The following IFT74 variants were observed in gnomAD, a reference collection of about 807,000 sequenced individuals.
IFT74 encodes the protein intraflagellar transport 74, also known as intraflagellar transport protein 74 homolog.
IFT74 carries 92 observed loss-of-function variants against 96.7 expected under a neutral mutation model. The observed-to-expected ratio is 0.95, with a 90% CI of 0.80 to 1.13. The LOEUF is 1.13. Among genes scored for constraint, IFT74 ranks in the 50% most tolerant of loss-of-function variants. The probability of loss-of-function intolerance (pLI) is 0.00; values close to 1 mark genes in which losing one functional copy is unlikely to be tolerated. For missense variants in IFT74, 811 were observed against 698.2 expected (o/e 1.16, Z -1.82); for synonymous variants, 223 against 213.2 (o/e 1.05, Z -0.40).
chr9:27,021,221 A>G (rs1026245346), intron 12 of IFT74, among the ~76,000 whole-genome samples: 58 of 152,028 alleles, frequency 3.8e-4, no homozygotes, highest in African/African-American at 1.4e-3. Context: ...CATTTTCTTT[A>G]TTCACTTGTT....
intron 2 of IFT74, among the ~76,000 whole-genome samples, chr9:26,966,503 G>A (rs1017492381): frequency 1.3e-5 from 2 of 151,786 alleles, no homozygotes; most frequent in Non-Finnish European, 2.9e-5. Flanking sequence ...CAGACCTTTT[G>A]CCCGTTTTTT....
upstream of IFT74, chr9:26,956,383 C>T (rs187319349): frequency 1.3e-5 from 2 of 152,402 alleles, no homozygotes; most frequent in Admixed American, 1.3e-4. Flanking sequence ...ATCCCGCCCC[C>T]GTTGCCGGGA....
intron 4 of IFT74, among the ~76,000 whole-genome samples, chr9:26,983,037 A>G (rs917834295): frequency 1.3e-4 from 20 of 152,072 alleles, no homozygotes; most frequent in African/African-American, 4.8e-4. Context: ...CATTATTTGT[A>G]TCTTCTTTCT....
At chr9:27,043,828 A>G (rs539532490) in intron 13 of IFT74, among the ~76,000 whole-genome samples, 4 of 152,106 alleles carry the variant, frequency 2.6e-5, no homozygotes, top group Admixed American at 1.3e-4. Context: ...TTCCATCCCA[A>G]TTACCACCGC....
intron 12 of IFT74, among the ~76,000 whole-genome samples, chr9:27,019,118 C>T (rs1309582237): frequency 6.6e-6 from 1 of 152,028 alleles, no homozygotes; most frequent in Non-Finnish European, 1.5e-5. Context: ...CCATATCTGG[C>T]TAATTTATTT....
chr9:27,000,766 C>T (rs558653386), intron 8 of IFT74, among the ~76,000 whole-genome samples: 32 of 152,286 alleles, frequency 2.1e-4, no homozygotes, highest in Non-Finnish European at 3.2e-4. Flanking sequence ...GTGCAGCAAA[C>T]CACCGTGGCA....
At chr9:26,956,307 G>A (rs1156548390), upstream of IFT74, 1 of 152,220 alleles carries the variant, frequency 6.6e-6, no homozygotes, top group East Asian at 1.9e-4. Flanking sequence ...CAATTCTCGC[G>A]AGAGCTCCGT....
At chr9:27,005,207 C>G (rs1230869494) in intron 8 of IFT74, among the ~76,000 whole-genome samples, 7 of 151,698 alleles carry the variant, frequency 4.6e-5, no homozygotes, top group Non-Finnish European at 1.0e-4. Context: ...AGTTATCAGC[C>G]TGCTTCAATA....
At chr9:27,028,672 CT>C in intron 12 of IFT74, 1 of 162,026 alleles carries the variant, frequency 6.2e-6, no homozygotes, top group Non-Finnish European at 1.3e-5. Flanking sequence ...AGGAGAATCG[CT>C]TTTTCCCGGG....
chr9:27,048,895 C>G (rs1300229957), intron 16 of IFT74, among the ~76,000 whole-genome samples: 3 of 151,968 alleles, frequency 2.0e-5, no homozygotes, highest in African/African-American at 7.3e-5. Flanking sequence ...ATTTTTTGTC[C>G]CCTCCAAATT....
chr9:27,015,591 C>T (rs906702205), intron 10 of IFT74, among the ~76,000 whole-genome samples: 3 of 152,064 alleles, frequency 2.0e-5, no homozygotes, highest in South Asian at 2.1e-4. Context: ...GAGCCAAGAT[C>T]GCACCACTGC....
upstream of IFT74, chr9:26,955,732 A>G (rs1234367149): frequency 6.6e-6 from 1 of 152,072 alleles, no homozygotes; most frequent in Non-Finnish European, 1.5e-5. Context: ...ATCCCAATAC[A>G]TATGCAATCA....
chr9:27,041,342 T>C (rs1819468594), intron 13 of IFT74, among the ~76,000 whole-genome samples: 2 of 152,156 alleles, frequency 1.3e-5, no homozygotes, highest in African/African-American at 4.8e-5. Context: ...GCATTATAAA[T>C]TTTTGGTTTT....
intron 13 of IFT74, among the ~76,000 whole-genome samples, chr9:27,029,585 TA>T (rs1830029044): frequency 6.6e-6 from 1 of 152,052 alleles, no homozygotes; most frequent in Admixed American, 6.6e-5. Context: ...ACATCTCTAC[TA>T]AAAATACAAA....
intron 1 of IFT74, chr9:26,947,150 AG>A: frequency 1.5e-6 from 2 of 1,326,914 alleles, no homozygotes; most frequent in South Asian, 1.6e-5. Flanking sequence ...CCTGCAGGTA[AG>A]GGGCGGCCGG....
chr9:27,032,254 A>G (rs1367897772), intron 13 of IFT74, among the ~76,000 whole-genome samples: 1 of 152,068 alleles, frequency 6.6e-6, no homozygotes, highest in Non-Finnish European at 1.5e-5. Context: ...AGCTTCCAAA[A>G]TGTTATTGCT....
At position 27,009,033 on chromosome 9, in the gene IFT74, A is replaced by G; in HGVS notation, c.601A>G (p.Ile201Val). 6.2e-7 allele frequency: 1 copy of G among 1,612,652 alleles called. No individual in the cohort carries two copies. The highest frequency in any genetic ancestry group is 2.2e-5 in the East Asian group (1 of 44,746). Residue 201 changes from isoleucine (I) to valine (V), a missense_variant, in exon 9 of 20, where the codon ATC becomes GTC. Ile to Val is a conservative substitution (Grantham distance 29). Coordinates refer to ENST00000380062, the MANE Select transcript of IFT74 (RefSeq NM_025103.4). The stretch of plus-strand genomic sequence containing the variant: ...TTCTGATTTTAGGAAAGAAAAACAA[A>G]TCAGAAGTGTCGAAGAAGAAATTGA... Reference protein sequence around the residue: ...FTERQAKEKQIRSVEEEIEQE... With the variant: ...FTERQAKEKQVRSVEEEIEQE...
chr9:27,061,661 TTA>T (rs1167521313), intron 19 of IFT74, among the ~76,000 whole-genome samples: 2 of 139,952 alleles, frequency 1.4e-5, no homozygotes, highest in East Asian at 5.2e-4. Flanking sequence ...AACCATATAG[TTA>T]TATATATCCA....
chr9:26,981,023 A>G (rs1434901668), intron 4 of IFT74, among the ~76,000 whole-genome samples: 1 of 152,154 alleles, frequency 6.6e-6, no homozygotes, highest in Non-Finnish European at 1.5e-5. Flanking sequence ...TCTCACAGAT[A>G]GTGCCGTCAA....
Sources: gnomAD v4.1 joint callset for allele counts (sites outside exome capture counted in the v4.1 genomes callset) on GRCh38, gnomAD v4.1.1 for gene constraint, MANE v1.5 for transcripts, NCBI Gene and HGNC (gene_info 2026-07-23, HGNC 2026-07-21) for gene names.